CLIC2: variants seen among roughly 807,000 people sequenced by gnomAD.
CLIC2 encodes the protein chloride intracellular channel protein 2.
In CLIC2, 9 loss-of-function variants were observed where a neutral mutation model predicts 14.8. That is an observed-to-expected ratio of 0.61 (90% CI 0.37 to 1.06). The LOEUF is 1.06. Ranked by LOEUF, CLIC2 falls within the 50% of genes least tolerant of loss-of-function variation. The pLI, the probability that CLIC2 is intolerant of heterozygous loss-of-function variation, is 0.01. For synonymous variants in CLIC2, 61 were observed against 66.3 expected (o/e 0.92, Z 0.39); for missense variants, 148 against 181.4 (o/e 0.82, Z 1.06).
At chrX:155,287,693 C>G (rs1446379593) in intron 3 of CLIC2, among the ~76,000 whole-genome samples, 3 of 112,028 alleles carry the variant, frequency 2.7e-5, no homozygotes, top group Non-Finnish European at 3.8e-5. Flanking sequence ...ATACTTCCAG[C>G]TTTGTTATTT....
At chrX:155,296,047 C>T (rs2074990754) in intron 3 of CLIC2, among the ~76,000 whole-genome samples, 1 of 111,723 alleles carries the variant, frequency 9.0e-6, no homozygotes, top group Non-Finnish European at 1.9e-5. Flanking sequence ...AAAAAAGATT[C>T]CATATAGCCA....
intron 3 of CLIC2, chrX:155,292,388 T>C: frequency 1.8e-6 from 1 of 562,306 alleles, no homozygotes; most frequent in Admixed American, 2.3e-5. Flanking sequence ...AGTATTCTGT[T>C]ATTCTACAAG....
intron 1 of CLIC2, among the ~76,000 whole-genome samples, chrX:155,300,403 T>C (rs1459177273): frequency 1.1e-4 from 12 of 111,367 alleles, no homozygotes; most frequent in Middle Eastern, 4.7e-3. Flanking sequence ...TCATGTCCTT[T>C]GCCCACTTTT....
At chrX:155,331,616 C>G (rs1557322832) in intron 1 of CLIC2, among the ~76,000 whole-genome samples, 2 of 111,242 alleles carry the variant, frequency 1.8e-5, no homozygotes, top group African/African-American at 3.3e-5. Flanking sequence ...GAGGTAGGCT[C>G]TGTTATTACA....
intron 1 of CLIC2, among the ~76,000 whole-genome samples, chrX:155,329,954 G>T (rs1334956655): frequency 9.0e-6 from 1 of 111,113 alleles, no homozygotes; most frequent in African/African-American, 3.3e-5. Flanking sequence ...CAAACTTCAC[G>T]TGTTCTCACT....
chrX:155,324,875 G>A (rs2075130635), intron 1 of CLIC2, among the ~76,000 whole-genome samples: 1 of 111,676 alleles, frequency 9.0e-6, no homozygotes, highest in Admixed American at 9.5e-5. Flanking sequence ...CTGACAAGGG[G>A]CTAATATCCA....
chrX:155,290,505 A>T lies in CLIC2; in HGVS notation c.293+8280T>A. 1.8e-5 allele frequency: 10 copies of T among 552,001 alleles called. No individual in the cohort carries two copies. The South Asian group carries it at 2.4e-4, about 13-fold the overall frequency. 45.5% of individuals were successfully genotyped at this position (552,001 alleles called of 1,213,427 possible). ...TGTCTATCTCAATCTTTCTAATTAC[A>T]TCCATTACAACATCCATAGTTGTCT... On this transcript the variant is annotated intron_variant, in intron 3 of 5. Transcript: ENST00000369449.
At chrX:155,290,083 T>TTAAC (rs1395409797) in intron 3 of CLIC2, among the ~76,000 whole-genome samples, 11 of 112,266 alleles carry the variant, frequency 9.8e-5, no homozygotes, top group Non-Finnish European at 2.1e-4. Context: ...GTATAAAATT[T>TTAAC]TAACAAGTAT....
rs782548834 is a variant in CLIC2, at chrX:155,298,819, C to A, written c.259G>T (p.Glu87Ter). ...GCCAGGGTTTGTTCTAAAAACTCCT[C>A]AATTTTAATGAAGTCTGTTTTCAAC... ...KELKTDFIKI[E>*]EFLEQTLAPP... is the part of the protein sequence containing the mutation. The change falls in exon 3 of 6, where the codon GAG becomes TAG. Residue 87 changes from glutamate (E) to a stop codon, truncating the protein, a stop_gained. Coordinates refer to ENST00000369449, the MANE Select transcript of CLIC2 (RefSeq NM_001289.6). LOFTEE classifies it high-confidence loss of function. 1.7e-6 allele frequency: 2 copies of A among 1,210,028 alleles called. No individual in the cohort carries two copies. The highest frequency in any genetic ancestry group is 2.3e-4 in the Middle Eastern group (1 of 4,321).
chrX:155,292,332 G>A, intron 3 of CLIC2: 1 of 564,861 alleles, frequency 1.8e-6, no homozygotes. Flanking sequence ...GAGCAGTGAT[G>A]AAGTGATTGT....
chrX:155,287,616 T>G (rs1002897233), intron 3 of CLIC2, among the ~76,000 whole-genome samples: 2 of 111,789 alleles, frequency 1.8e-5, no homozygotes, highest in Non-Finnish European at 3.8e-5. Flanking sequence ...TTACAGGTGT[T>G]GTATCAGTAC....
intron 1 of CLIC2, among the ~76,000 whole-genome samples, chrX:155,319,621 A>T (rs1280404172): frequency 1.8e-5 from 2 of 111,678 alleles, no homozygotes; most frequent in Admixed American, 1.9e-4. Flanking sequence ...TCAAGCACAA[A>T]ACTGGGCGGC....
chrX:155,291,124 A>C lies in CLIC2; in HGVS notation c.293+7661T>G, dbSNP rs1602933801. 3 of 996,541 alleles carry C rather than the reference A, an allele frequency of 3.0e-6. No homozygotes were observed. The East Asian group carries it at 9.2e-5, about 30-fold the overall frequency. The allele number at this position is 996,541 out of a possible 1,213,427, so 82.1% of individuals were successfully genotyped here. On this transcript the variant is annotated intron_variant, in intron 3 of 5. Coordinates refer to ENST00000369449, the MANE Select transcript of CLIC2 (RefSeq NM_001289.6). ...GAATGATCTGGAAACCATGCAATGAATATCCATTCATATCCCTGGGCATTC... is the reference window on the plus strand; with the variant it reads ...GAATGATCTGGAAACCATGCAATGACTATCCATTCATATCCCTGGGCATTC...
At chrX:155,325,971 T>C (rs1557322288) in intron 1 of CLIC2, among the ~76,000 whole-genome samples, 1 of 105,648 alleles carries the variant, frequency 9.5e-6, no homozygotes, top group Non-Finnish European at 1.9e-5. Flanking sequence ...GGAGCTAAGC[T>C]ATGAGGACGC....
chrX:155,286,188 GT>G (rs1477284656), intron 3 of CLIC2, among the ~76,000 whole-genome samples: 2 of 111,629 alleles, frequency 1.8e-5, no homozygotes, highest in African/African-American at 6.5e-5. Context: ...GTGTTCATGA[GT>G]TCTCATCATT....
chrX:155,281,363 T>C (rs1156744723), intron 3 of CLIC2, among the ~76,000 whole-genome samples: 1 of 110,344 alleles, frequency 9.1e-6, no homozygotes, highest in Non-Finnish European at 1.9e-5. Context: ...TCTTACCATA[T>C]AAAAAAGATA....
At chrX:155,322,254 A>G (rs1383039884) in intron 1 of CLIC2, among the ~76,000 whole-genome samples, 5 of 111,778 alleles carry the variant, frequency 4.5e-5, no homozygotes, top group Non-Finnish European at 7.5e-5. Flanking sequence ...CAGAATATAC[A>G]TTCCTCTCAG....
At chrX:155,282,374 A>G (rs2074923115) in intron 3 of CLIC2, among the ~76,000 whole-genome samples, 1 of 111,741 alleles carries the variant, frequency 8.9e-6, no homozygotes, top group Non-Finnish European at 1.9e-5. Context: ...TCCAACCCAC[A>G]GTATGGAGAG....
At chrX:155,292,356 G>C (rs890538564) in intron 3 of CLIC2, 16 of 560,339 alleles carry the variant, frequency 2.9e-5, no homozygotes, top group Non-Finnish European at 3.9e-5. Flanking sequence ...AACGATAAAG[G>C]AATATCCAGC....
Sources: gnomAD v4.1 joint callset for allele counts (sites outside exome capture counted in the v4.1 genomes callset) on GRCh38, gnomAD v4.1.1 for gene constraint, MANE v1.5 for transcripts, NCBI Gene and HGNC (gene_info 2026-07-23, HGNC 2026-07-21) for gene names.